Variants in ATG7 observed in about 807,000 individuals in gnomAD.
The protein encoded by ATG7 is autophagy related 7.
In ATG7, 70 loss-of-function variants were observed where a neutral mutation model predicts 82.4. The ratio of observed to expected loss-of-function variants is 0.85; its 90% CI spans 0.70 to 1.04. The LOEUF (loss-of-function observed/expected upper bound fraction) is 1.04, where lower values mean the gene tolerates loss of function less well. Ranked by LOEUF, ATG7 falls within the 50% of genes least tolerant of loss-of-function variation. The pLI is 0.00. For synonymous variants in ATG7, 287 were observed against 313.0 expected, an observed-to-expected ratio of 0.92 and a Z score of 0.88; for missense variants, 792 against 864.3, an observed-to-expected ratio of 0.92 and a Z score of 1.05.
chr3:11,542,018 C>T (rs1180392019), intron 20 of ATG7, among the ~76,000 whole-genome samples: 2 of 152,256 alleles, frequency 1.3e-5, no homozygotes. Flanking sequence ...TGGAAAAAGG[C>T]AAACAAGCCT....
intron 19 of ATG7, among the ~76,000 whole-genome samples, chr3:11,390,296 CT>C (rs1201164722): frequency 6.6e-6 from 1 of 152,186 alleles, no homozygotes; most frequent in Non-Finnish European, 1.5e-5. Context: ...TGCAAAATGA[CT>C]TGCTAATAGA....
chr3:11,295,729 A>C (rs1945766747), intron 3 of ATG7, among the ~76,000 whole-genome samples: 1 of 151,620 alleles, frequency 6.6e-6, no homozygotes, highest in Non-Finnish European at 1.5e-5. Flanking sequence ...CTGGTGTTCC[A>C]ACTACAGCTT....
At chr3:11,477,221 A>G (rs2088357547) in intron 20 of ATG7, 3 of 1,287,522 alleles carry the variant, frequency 2.3e-6, no homozygotes, top group Admixed American at 4.6e-5. Context: ...TGTGAATGGA[A>G]TCTTTTATTC....
chr3:11,354,337 C>G (rs1487435334), intron 14 of ATG7, among the ~76,000 whole-genome samples: 1 of 152,070 alleles, frequency 6.6e-6, no homozygotes, highest in African/African-American at 2.4e-5. Flanking sequence ...AATCATATAG[C>G]TATTTGAGGC....
At chr3:11,558,940 C>G, downstream of ATG7, 2 of 1,313,708 alleles carry the variant, frequency 1.5e-6, no homozygotes, top group South Asian at 2.7e-5. Context: ...CCACGGTCAG[C>G]GTGGGCTCTG....
chr3:11,512,368 G>T (rs191889453), intron 20 of ATG7, among the ~76,000 whole-genome samples: 1 of 152,220 alleles, frequency 6.6e-6, no homozygotes. Context: ...TGGTGCTGCA[G>T]CTTGGCCAAG....
In ATG7 at chr3:11,331,377, A is replaced by G; in HGVS notation, c.716A>G (p.Gln239Arg). ...GTATATGATCCCTGTAACTTAGCCC[A>G]GTACCCTGGATGGCCTTTGAGGAAT... ...IGVYDPCNLA[Q>R]YPGWPLRNFL... Residue 239 changes from glutamine (Q) to arginine (R), a missense_variant, in exon 10 of 21, where the codon CAG becomes CGG. Physicochemically the swap from Gln to Arg is conservative, Grantham distance 43. Transcript: ENST00000693202. The G allele has an allele frequency of 6.2e-7, 1 of 1,613,952 alleles. No individual in the cohort carries two copies. Among genetic ancestry groups the G allele is most frequent in the Non-Finnish European group, 8.5e-7 (1 of 1,179,794 alleles).
intron 20 of ATG7, among the ~76,000 whole-genome samples, chr3:11,519,218 T>C (rs1295384434): frequency 1.3e-5 from 2 of 152,204 alleles, no homozygotes; most frequent in East Asian, 1.9e-4. Context: ...TCCATGTTTA[T>C]ACCAATGAGT....
chr3:11,459,999 C>T (rs1031410132), intron 20 of ATG7, among the ~76,000 whole-genome samples: 9 of 152,222 alleles, frequency 5.9e-5, no homozygotes, highest in African/African-American at 1.9e-4. Context: ...TGTCTCAAAT[C>T]GTACAGAGAT....
At chr3:11,278,536 C>T (rs960669582) in intron 1 of ATG7, among the ~76,000 whole-genome samples, 3 of 152,228 alleles carry the variant, frequency 2.0e-5, no homozygotes, top group Non-Finnish European at 4.4e-5. Context: ...TTGTTTCAGT[C>T]ATCAACAAGT....
chr3:11,570,742 G>A, the ATG7 span, among the ~76,000 whole-genome samples: 19 of 152,194 alleles, frequency 1.2e-4, no homozygotes, highest in Non-Finnish European at 2.8e-4. Context: ...ACAGTGGTGA[G>A]ATGTCTTCTC....
At chr3:11,565,933 CAT>C in the ATG7 span, among the ~76,000 whole-genome samples, 1 of 152,194 alleles carries the variant, frequency 6.6e-6, no homozygotes, top group Non-Finnish European at 1.5e-5. The surrounding 1 kb of genome is among the most constrained non-coding windows in gnomAD (Gnocchi z 4.1). Flanking sequence ...TTCAATCCAC[CAT>C]ATTATCCGCT....
chr3:11,458,615 A>G (rs2454501), intron 20 of ATG7, among the ~76,000 whole-genome samples: 131,946 of 152,300 alleles, frequency 0.87, 57,471 homozygotes, highest in East Asian at 1. Context: ...TTGTGTGACC[A>G]TAGCTAGTTA....
chr3:11,441,965 C>T (rs548769354), intron 20 of ATG7, among the ~76,000 whole-genome samples: 71 of 152,004 alleles, frequency 4.7e-4, no homozygotes, highest in Middle Eastern at 3.4e-3. Flanking sequence ...CGCGCCTGGC[C>T]CAATTTTTGT....
chr3:11,342,305 T>C (rs765664245), intron 13 of ATG7, 26 bp downstream of exon 13: 16 of 1,599,148 alleles, frequency 1.0e-5, no homozygotes, highest in Non-Finnish European at 1.3e-5. Flanking sequence ...GGGGTGCAAA[T>C]GGCACCTTTG....
intron 20 of ATG7, among the ~76,000 whole-genome samples, chr3:11,517,763 T>C (rs2092325236): frequency 6.6e-6 from 1 of 152,134 alleles, no homozygotes; most frequent in South Asian, 2.1e-4. Context: ...ATCTGTGACT[T>C]AGGTGGCTCA....
intron 20 of ATG7, among the ~76,000 whole-genome samples, chr3:11,465,606 A>T (rs536638876): frequency 3.3e-5 from 5 of 152,020 alleles, no homozygotes; most frequent in Admixed American, 6.5e-5. Flanking sequence ...ATAATAATAA[A>T]AAATAAAAAT....
chr3:11,439,194 G>T (rs553866444), intron 20 of ATG7, among the ~76,000 whole-genome samples: 1 of 149,144 alleles, frequency 6.7e-6, no homozygotes, highest in East Asian at 2.0e-4. Flanking sequence ...TCAGCCTCCC[G>T]AGTAGCAGGG....
At chr3:11,523,286 G>A (rs746132641) in intron 20 of ATG7, among the ~76,000 whole-genome samples, 18 of 152,126 alleles carry the variant, frequency 1.2e-4, no homozygotes, top group Non-Finnish European at 1.8e-4. Flanking sequence ...GGGGAAATAG[G>A]GAACGTTCAA....
Sources: gnomAD v4.1 joint callset for allele counts (sites outside exome capture counted in the v4.1 genomes callset) on GRCh38, gnomAD v4.1.1 for gene constraint, Gnocchi (gnomAD v3.1) non-coding constraint, MANE v1.5 for transcripts, NCBI Gene and HGNC (gene_info 2026-07-23, HGNC 2026-07-21) for gene names.